Variants in ANKRD44 observed in about 807,000 individuals in gnomAD.
The protein encoded by ANKRD44 is ankyrin repeat domain 44.
A neutral mutation model predicts 116.0 loss-of-function variants in ANKRD44; 35 were observed. That is an observed-to-expected ratio of 0.30 (90% CI 0.23 to 0.40). The LOEUF is 0.40. Among genes scored for constraint, ANKRD44 ranks in the 10% least tolerant of loss-of-function variants. The pLI is 1.00. For missense variants in ANKRD44, 1,014 were observed against 1,242.6 expected (o/e 0.82, Z 2.77); for synonymous variants, 435 against 461.8 (o/e 0.94, Z 0.74).
chr2:197,122,042 G>A (rs1440116058), intron 7 of ANKRD44, among the ~76,000 whole-genome samples: 2 of 152,152 alleles, frequency 1.3e-5, no homozygotes, highest in East Asian at 3.9e-4. Context: ...CACCTCACCA[G>A]GTTGCATTTT....
intron 1 of ANKRD44, among the ~76,000 whole-genome samples, chr2:197,205,712 A>G (rs895303488): frequency 2.0e-5 from 3 of 152,202 alleles, no homozygotes; most frequent in African/African-American, 7.2e-5. Context: ...GAAGCTTCGA[A>G]TCTAGAGAGG....
intron 20 of ANKRD44, 85 bp from the exon 21 acceptor site, chr2:197,005,995 G>A (rs1404232866): frequency 7.8e-7 from 1 of 1,284,370 alleles, no homozygotes; most frequent in African/African-American, 1.5e-5. Context: ...TGGGCTTAGA[G>A]CAAGTGGACA....
At chr2:197,050,315 T>C (rs554419736) in intron 16 of ANKRD44, among the ~76,000 whole-genome samples, 1 of 152,254 alleles carries the variant, frequency 6.6e-6, no homozygotes, top group South Asian at 2.1e-4. Flanking sequence ...ACCATTACAA[T>C]TGAACACGAG....
At chr2:197,142,557 T>C (rs1046990452) in intron 3 of ANKRD44, among the ~76,000 whole-genome samples, 2 of 152,086 alleles carry the variant, frequency 1.3e-5, no homozygotes, top group Admixed American at 6.5e-5. Context: ...TTTAACAAAC[T>C]CTCCTTGGAG....
At chr2:197,278,832 CTT>C (rs1048849851) in intron 1 of ANKRD44, among the ~76,000 whole-genome samples, 1 of 152,234 alleles carries the variant, frequency 6.6e-6, no homozygotes, top group Non-Finnish European at 1.5e-5. Context: ...GAGGCAGAGA[CTT>C]TTCGCTTTGG....
At chr2:197,017,618 C>T (rs573707380) in intron 17 of ANKRD44, among the ~76,000 whole-genome samples, 2 of 152,240 alleles carry the variant, frequency 1.3e-5, no homozygotes, top group East Asian at 1.9e-4. Flanking sequence ...CCCAGTCCCA[C>T]TTCTCCCTTG....
In ANKRD44 at chr2:196,998,423, T is replaced by C; in HGVS notation, c.2666-4A>G. 6.2e-7 allele frequency: 1 copy of C among 1,612,680 alleles called. No homozygotes were observed. The highest frequency in any genetic ancestry group is 8.5e-7 in the Non-Finnish European group (1 of 1,179,114). Reference sequence around the variant, plus strand: ...TGGGCACTGTTCACCAAAATATCTGTAGAAAAAGCCCAAAAGAGGGTTACT... The same window carrying C: ...TGGGCACTGTTCACCAAAATATCTGCAGAAAAAGCCCAAAAGAGGGTTACT... On this transcript the variant is annotated splice_region_variant and splice_polypyrimidine_tract_variant and intron_variant, in intron 24 of 27. Coordinates refer to ENST00000282272, the MANE Select transcript of ANKRD44 (RefSeq NM_001195144.2).
At chr2:197,264,601 T>G (rs2082694081) in intron 1 of ANKRD44, among the ~76,000 whole-genome samples, 1 of 152,124 alleles carries the variant, frequency 6.6e-6, no homozygotes, top group Non-Finnish European at 1.5e-5. Context: ...TCCCTTTCCC[T>G]CAGGGCATCC....
intron 9 of ANKRD44, among the ~76,000 whole-genome samples, chr2:197,104,173 T>G (rs1490185476): frequency 6.6e-6 from 1 of 152,156 alleles, no homozygotes; most frequent in Non-Finnish European, 1.5e-5. Context: ...CAGGCTGGAG[T>G]GCAGTGACAC....
At chr2:196,976,031 A>G (rs2075758080) in intron 21 of ANKRD44, among the ~76,000 whole-genome samples, 1 of 152,132 alleles carries the variant, frequency 6.6e-6, no homozygotes, top group South Asian at 2.1e-4. Flanking sequence ...TGAACATATA[A>G]TTGAACCCCT....
intron 1 of ANKRD44, among the ~76,000 whole-genome samples, chr2:197,309,183 T>A (rs2084164753): frequency 1.3e-5 from 2 of 152,206 alleles, no homozygotes; most frequent in Non-Finnish European, 2.9e-5. Flanking sequence ...ACGCTAAAAC[T>A]GTAGGATTTA....
chr2:197,077,769 C>T (rs1333599267), intron 16 of ANKRD44: 1 of 152,192 alleles, frequency 6.6e-6, no homozygotes, highest in African/African-American at 2.4e-5. Context: ...GTCTGTTCGA[C>T]TGACAGTGTA....
chr2:196,967,912 A>ATT (rs1553609859), intron 21 of ANKRD44, among the ~76,000 whole-genome samples: 5 of 140,864 alleles, frequency 3.5e-5, no homozygotes, highest in African/African-American at 1.3e-4. Context: ...ATGGCTTGGC[A>ATT]CTCTCTCTCT....
At chr2:197,260,106 T>C (rs1559195011) in intron 1 of ANKRD44, among the ~76,000 whole-genome samples, 1 of 152,212 alleles carries the variant, frequency 6.6e-6, no homozygotes, top group Non-Finnish European at 1.5e-5. Context: ...TATTATACTT[T>C]AAGTTTTAGG....
chr2:197,173,145 A>AT (rs1325276512), intron 2 of ANKRD44, among the ~76,000 whole-genome samples: 2 of 152,220 alleles, frequency 1.3e-5, no homozygotes, highest in African/African-American at 4.8e-5. Context: ...CAAGATATTC[A>AT]TAGTACAGCC....
At chr2:197,223,345 G>A (rs2081627376) in intron 1 of ANKRD44, among the ~76,000 whole-genome samples, 1 of 152,212 alleles carries the variant, frequency 6.6e-6, no homozygotes, top group South Asian at 2.1e-4. Context: ...ATGGGCTTAT[G>A]ACCATAAATA....
chr2:197,071,618 C>T (rs13414451), intron 16 of ANKRD44, among the ~76,000 whole-genome samples: 7,944 of 152,124 alleles, frequency 0.052, 727 homozygotes, highest in African/African-American at 0.18. Flanking sequence ...CAAGATATTG[C>T]TTATCTTTGT....
intron 16 of ANKRD44, among the ~76,000 whole-genome samples, chr2:197,042,382 C>A (rs1171175610): frequency 6.6e-6 from 1 of 152,060 alleles, no homozygotes; most frequent in African/African-American, 2.4e-5. Flanking sequence ...AAATATCTAC[C>A]ATTTCCTTCA....
chr2:197,045,507 T>C (rs919407492), intron 16 of ANKRD44, among the ~76,000 whole-genome samples: 8 of 152,118 alleles, frequency 5.3e-5, no homozygotes, highest in Admixed American at 2.6e-4. Flanking sequence ...ATTCATAGCC[T>C]AAAAGCTCCT....
Sources: allele counts gnomAD v4.1 joint callset (sites outside exome capture counted in the v4.1 genomes callset), GRCh38; gene constraint gnomAD v4.1.1; transcripts MANE v1.5; gene names NCBI Gene and HGNC (gene_info 2026-07-23, HGNC 2026-07-21).